SAMSN1: variants seen among roughly 807,000 people sequenced by gnomAD.
The protein encoded by SAMSN1 is SAM domain-containing protein SAMSN-1.
SAMSN1 carries 31 observed loss-of-function variants against 42.0 expected under a neutral mutation model. The ratio of observed to expected loss-of-function variants is 0.74; its 90% CI spans 0.55 to 1.00. The LOEUF is 1.00. Among genes scored for constraint, SAMSN1 ranks in the 50% least tolerant of loss-of-function variants. The pLI is 0.00. For synonymous variants in SAMSN1, 178 were observed against 151.9 expected, an observed-to-expected ratio of 1.17 and a Z score of -1.26; for missense variants, 464 against 439.4, an observed-to-expected ratio of 1.06 and a Z score of -0.50.
At chr21:14,529,578 G>A (rs759755078) in intron 1 of SAMSN1, among the ~76,000 whole-genome samples, 1 of 152,152 alleles carries the variant, frequency 6.6e-6, no homozygotes, top group Non-Finnish European at 1.5e-5. Context: ...CAGAGTAAGG[G>A]CTGTCGGTAT....
At chr21:14,501,473 T>C (rs924059403) in intron 5 of SAMSN1, among the ~76,000 whole-genome samples, 1 of 152,222 alleles carries the variant, frequency 6.6e-6, no homozygotes, top group African/African-American at 2.4e-5. Flanking sequence ...CAAGTTATCT[T>C]AACCAAAAAT....
chr21:14,622,934 C>G (rs1983054021), intron 2 of SAMSN1, among the ~76,000 whole-genome samples: 1 of 152,186 alleles, frequency 6.6e-6, no homozygotes, highest in African/African-American at 2.4e-5. Flanking sequence ...AGCAGAAACT[C>G]CACAAGCCAG....
At chr21:14,581,408 G>T (rs1981723636) in intron 2 of SAMSN1, among the ~76,000 whole-genome samples, 1 of 120,614 alleles carries the variant, frequency 8.3e-6, no homozygotes, top group Admixed American at 1.2e-4. Context: ...GCCCAGGCTG[G>T]AGGGCAGTGG....
intron 1 of SAMSN1, among the ~76,000 whole-genome samples, chr21:14,543,518 T>A (rs372190305): frequency 2.0e-5 from 3 of 152,286 alleles, no homozygotes; most frequent in Admixed American, 2.0e-4. Flanking sequence ...TATAAATGAA[T>A]GTTTTGAACC....
Position 14,498,772 on chromosome 21 carries a change from G to A in SAMSN1, c.769-180C>T, listed in dbSNP as rs115665589. Reference sequence around the variant, plus strand: ...AACTCCAGGGCTCTTAAATGATTATGTTGTATAATTCTCGCCTTTTGGAAG... The same window carrying A: ...AACTCCAGGGCTCTTAAATGATTATATTGTATAATTCTCGCCTTTTGGAAG... On this transcript the variant is annotated intron_variant, in intron 6 of 7. Coordinates refer to ENST00000400566, the MANE Select transcript of SAMSN1 (RefSeq NM_022136.5). Among the ~76,000 whole-genome samples, 1,438 of 152,276 alleles carry A rather than the reference G, an allele frequency of 9.4e-3. 22 individuals carry two copies. Among genetic ancestry groups the A allele is most frequent in the African/African-American group, 0.032 (1,337 of 41,566 alleles).
chr21:14,525,758 T>G (rs1351166011), intron 1 of SAMSN1, among the ~76,000 whole-genome samples: 2 of 152,212 alleles, frequency 1.3e-5, no homozygotes, highest in African/African-American at 4.8e-5. Flanking sequence ...TCTCTAATTT[T>G]ACATATATTT....
chr21:14,504,989 C>T (rs1342322756), intron 5 of SAMSN1, among the ~76,000 whole-genome samples: 1 of 152,126 alleles, frequency 6.6e-6, no homozygotes, highest in Non-Finnish European at 1.5e-5. Flanking sequence ...ATTTTGTATC[C>T]AGCAAAATCA....
chr21:14,593,282 A>C (rs1258517439), intron 7 of SAMSN1, among the ~76,000 whole-genome samples: 1 of 152,152 alleles, frequency 6.6e-6, no homozygotes, highest in Non-Finnish European at 1.5e-5. Flanking sequence ...TTTGGGAAGC[A>C]ATGGTCAAAT....
At chr21:14,604,607 G>A (rs913451167) in intron 5 of SAMSN1, among the ~76,000 whole-genome samples, 1 of 152,206 alleles carries the variant, frequency 6.6e-6, no homozygotes, top group Admixed American at 6.5e-5. Flanking sequence ...TCTACCTTGG[G>A]TTCTTGGGAT....
At chr21:14,506,312 T>G (rs909721955) in intron 5 of SAMSN1, among the ~76,000 whole-genome samples, 11 of 151,854 alleles carry the variant, frequency 7.2e-5, no homozygotes, top group African/African-American at 2.7e-4. Flanking sequence ...ATAAAATTAA[T>G]AGACCATTAG....
intron 1 of SAMSN1, among the ~76,000 whole-genome samples, chr21:14,527,880 A>G (rs1407939074): frequency 6.6e-6 from 1 of 152,110 alleles, no homozygotes; most frequent in Non-Finnish European, 1.5e-5. Context: ...GTACAACAAT[A>G]TCTCATTCTT....
intron 2 of SAMSN1, among the ~76,000 whole-genome samples, chr21:14,557,434 T>C (rs1980797652): frequency 6.6e-6 from 1 of 152,148 alleles, no homozygotes; most frequent in Admixed American, 6.6e-5. Flanking sequence ...TCCTAGGAAT[T>C]CACGCCCCAT....
upstream of SAMSN1, among the ~76,000 whole-genome samples, chr21:14,549,019 C>A (rs1366785709): frequency 6.6e-6 from 1 of 152,150 alleles, no homozygotes; most frequent in Non-Finnish European, 1.5e-5. Context: ...CAGAATGGAA[C>A]TTTGTGTACT....
upstream of SAMSN1, among the ~76,000 whole-genome samples, chr21:14,549,844 A>G (rs1475970659): frequency 6.6e-6 from 1 of 152,114 alleles, no homozygotes; most frequent in Non-Finnish European, 1.5e-5. Context: ...AGTACAGGGA[A>G]GAGAATTTTA....
chr21:14,613,937 T>C (rs1421798425), intron 3 of SAMSN1, among the ~76,000 whole-genome samples: 1 of 152,004 alleles, frequency 6.6e-6, no homozygotes, highest in Non-Finnish European at 1.5e-5. Context: ...ACACAAGGAT[T>C]CAATCAGCAA....
upstream of SAMSN1, among the ~76,000 whole-genome samples, chr21:14,586,096 C>G (rs1468192574): frequency 6.6e-6 from 1 of 151,362 alleles, no homozygotes; most frequent in Non-Finnish European, 1.5e-5. Flanking sequence ...AACCCTGTTT[C>G]TACTAAAAAT....
intron 7 of SAMSN1, among the ~76,000 whole-genome samples, chr21:14,492,401 T>C (rs1251724553): frequency 6.6e-6 from 1 of 152,238 alleles, no homozygotes; most frequent in Non-Finnish European, 1.5e-5. Context: ...ACTGACTTAC[T>C]ATTTGGGGAT....
chr21:14,549,028 C>T (rs1980516800), upstream of SAMSN1, among the ~76,000 whole-genome samples: 1 of 152,184 alleles, frequency 6.6e-6, no homozygotes. Flanking sequence ...ACTTTGTGTA[C>T]TATCTCTGTG....
chr21:14,634,362 A>G (rs1310523190), intron 2 of SAMSN1, among the ~76,000 whole-genome samples: 3 of 152,186 alleles, frequency 2.0e-5, no homozygotes, highest in East Asian at 1.9e-4. Context: ...AGAAACTATC[A>G]TCAGAATGAA....
Sources: allele counts gnomAD v4.1 joint callset (sites outside exome capture counted in the v4.1 genomes callset), GRCh38; gene constraint gnomAD v4.1.1; transcripts MANE v1.5; gene names NCBI Gene and HGNC (gene_info 2026-07-23, HGNC 2026-07-21).